The following CADM2 variants were observed in gnomAD, a reference collection of about 807,000 sequenced individuals.
The protein encoded by CADM2 is cell adhesion molecule 2.
In CADM2, 12 loss-of-function variants were observed where a neutral mutation model predicts 49.8. The observed-to-expected ratio is 0.24, with a 90% confidence interval of 0.15 to 0.39. The LOEUF (loss-of-function observed/expected upper bound fraction) is 0.39, where lower values mean the gene tolerates loss of function less well. CADM2 is among the 10% of genes least tolerant of loss of function. The pLI is 1.00. For synonymous variants in CADM2, 214 were observed against 175.4 expected, an observed-to-expected ratio of 1.22 and a Z score of -1.74; for missense variants, 378 against 492.3, an observed-to-expected ratio of 0.77 and a Z score of 2.20.
chr3:85,993,964 G>T (rs564430456), intron 8 of CADM2: 1 of 152,226 alleles, frequency 6.6e-6, no homozygotes, highest in Non-Finnish European at 1.5e-5. Flanking sequence ...AATGGTAAAT[G>T]AACATTGGTT....
intron 1 of CADM2, among the ~76,000 whole-genome samples, chr3:85,213,436 A>G (rs1200511448): frequency 6.6e-6 from 1 of 152,054 alleles, no homozygotes; most frequent in Non-Finnish European, 1.5e-5. Flanking sequence ...GAAGTCTGCT[A>G]CCAGACATAG....
intron 1 of CADM2, among the ~76,000 whole-genome samples, chr3:85,554,785 C>CT (rs57056771): frequency 0.013 from 1,710 of 135,718 alleles, 36 homozygotes; most frequent in African/African-American, 0.04. Context: ...CCTCAAACTC[C>CT]TGAGCTCAGG....
At chr3:85,438,380 GTTTGATAC>G (rs2037032555) in intron 1 of CADM2, among the ~76,000 whole-genome samples, 1 of 149,586 alleles carries the variant, frequency 6.7e-6, no homozygotes, top group Non-Finnish European at 1.5e-5. Flanking sequence ...AAAAAAACAC[GTTTGATAC>G]TTTTCAACAA....
At chr3:85,776,238 T>G (rs901503134) in intron 2 of CADM2, among the ~76,000 whole-genome samples, 3 of 151,768 alleles carry the variant, frequency 2.0e-5, no homozygotes, top group Non-Finnish European at 4.4e-5. Flanking sequence ...ATCTTTAAGT[T>G]TTTTTAAATG....
At position 85,206,554 on chromosome 3, in the gene CADM2, A is replaced by G. The variant is rs376291291; in HGVS notation, c.61+246886A>G. Among the ~76,000 whole-genome samples, 74 of 151,860 alleles carry G rather than the reference A, an allele frequency of 4.9e-4. No individual in the cohort carries two copies. In the East Asian group the frequency reaches 7.4e-3, roughly 15 times the overall value. ...GATCACCTGACCTCGTGATCCGCCC[A>G]CCTCGGCCTCCCAAAGTGCTGGGAT... is the stretch of plus-strand genomic sequence containing the variant. On this transcript the variant is annotated intron_variant, in intron 1 of 9. Transcript: ENST00000383699.
At chr3:85,958,085 T>TA (rs1724282431) in intron 7 of CADM2, among the ~76,000 whole-genome samples, 1 of 151,802 alleles carries the variant, frequency 6.6e-6, no homozygotes, top group Admixed American at 6.6e-5. Context: ...ACAAGGAGCT[T>TA]AAACCAATTT....
At chr3:85,593,296 TA>T (rs2063156472) in intron 1 of CADM2, among the ~76,000 whole-genome samples, 1 of 152,010 alleles carries the variant, frequency 6.6e-6, no homozygotes, top group Non-Finnish European at 1.5e-5. Flanking sequence ...CATCTAGCAT[TA>T]GGTATACTTG....
intron 8 of CADM2, among the ~76,000 whole-genome samples, chr3:86,012,160 T>A: frequency 6.6e-6 from 1 of 152,284 alleles, no homozygotes; most frequent in Non-Finnish European, 1.5e-5. Context: ...CATATTAAAA[T>A]AATATATACA....
chr3:85,614,002 A>C (rs1430490828), intron 1 of CADM2, among the ~76,000 whole-genome samples: 1 of 151,672 alleles, frequency 6.6e-6, no homozygotes, highest in Non-Finnish European at 1.5e-5. Context: ...ATTAGTAAAA[A>C]TTGTATTTAT....
In CADM2 at chr3:86,067,702, A is replaced by G. The variant is rs1739483091; in HGVS notation, c.*919A>G. ...TCCAATTAAACATTATTTGATACATATTTAACTTTTTTGGCTGTATGTAAT... is the reference window on the plus strand; with the variant it reads ...TCCAATTAAACATTATTTGATACATGTTTAACTTTTTTGGCTGTATGTAAT... On this transcript the variant is annotated 3_prime_UTR_variant, in exon 10 of 10. Transcript: ENST00000383699. 6.6e-6 allele frequency: 1 copy of G among 152,538 alleles called. No homozygotes were observed. Among genetic ancestry groups the G allele is most frequent in the South Asian group, 2.1e-4 (1 of 4,838 alleles). 9.4% of individuals were successfully genotyped at this position (152,538 alleles called of 1,614,324 possible).
At chr3:85,555,909 A>T (rs2107147630) in intron 1 of CADM2, among the ~76,000 whole-genome samples, 1 of 152,232 alleles carries the variant, frequency 6.6e-6, no homozygotes, top group Non-Finnish European at 1.5e-5. Flanking sequence ...TTTAACTAAA[A>T]CCTAGAGTGA....
At chr3:85,172,728 A>T (rs202189985) in intron 1 of CADM2, among the ~76,000 whole-genome samples, 5,388 of 151,630 alleles carry the variant, frequency 0.036, 122 homozygotes, top group East Asian at 0.076. Context: ...GGTCTGATCT[A>T]TGGCTGCTGC....
At chr3:85,866,966 C>A (rs1210696189) in intron 3 of CADM2, among the ~76,000 whole-genome samples, 1 of 151,902 alleles carries the variant, frequency 6.6e-6, no homozygotes, top group Non-Finnish European at 1.5e-5. Context: ...AGGATAAGTT[C>A]TAGTAGAATG....
intron 1 of CADM2, among the ~76,000 whole-genome samples, chr3:85,704,842 CTTTA>C (rs954105824): frequency 4.6e-5 from 7 of 150,854 alleles, no homozygotes; most frequent in Non-Finnish European, 8.9e-5. Flanking sequence ...ACCCCCTTCT[CTTTA>C]TTTATTTATT....
intron 1 of CADM2, among the ~76,000 whole-genome samples, chr3:85,028,083 C>T (rs1397267437): frequency 2.6e-5 from 4 of 152,000 alleles, no homozygotes; most frequent in Non-Finnish European, 5.9e-5. Context: ...ATATGTGAGG[C>T]GTTATATCAG....
intron 1 of CADM2, among the ~76,000 whole-genome samples, chr3:85,346,264 C>G (rs925592613): frequency 3.9e-5 from 6 of 152,044 alleles, no homozygotes; most frequent in African/African-American, 1.2e-4. Flanking sequence ...ATTTTCACAC[C>G]ATTGTTTGAA....
chr3:85,294,582 C>A (rs2043901289), intron 1 of CADM2, among the ~76,000 whole-genome samples: 1 of 151,816 alleles, frequency 6.6e-6, no homozygotes, highest in Admixed American at 6.6e-5. Flanking sequence ...GTACTGGTAC[C>A]AAAACAGAGA....
chr3:85,364,775 G>C (rs1205648064), intron 1 of CADM2, among the ~76,000 whole-genome samples: 1 of 152,060 alleles, frequency 6.6e-6, no homozygotes, highest in South Asian at 2.1e-4. Context: ...AAAGCATCCT[G>C]GCAGACAGAT....
intron 1 of CADM2, among the ~76,000 whole-genome samples, chr3:85,690,161 T>G (rs373371926): frequency 6.6e-6 from 1 of 152,230 alleles, no homozygotes; most frequent in South Asian, 2.1e-4. Flanking sequence ...AGTGATAGAA[T>G]CAGCAGAATG....
Sources: gnomAD v4.1 joint callset for allele counts (sites outside exome capture counted in the v4.1 genomes callset) on GRCh38, gnomAD v4.1.1 for gene constraint, MANE v1.5 for transcripts, NCBI Gene and HGNC (gene_info 2026-07-23, HGNC 2026-07-21) for gene names.